The following TRAPPC9 variants were observed in gnomAD, a reference collection of about 807,000 sequenced individuals.
The protein encoded by TRAPPC9 is trafficking protein particle complex subunit 9.
Under a neutral mutation model 124.0 loss-of-function variants are expected in TRAPPC9, and 83 were observed. That is an observed-to-expected ratio of 0.67 (90% CI 0.56 to 0.80). The LOEUF is 0.80. Ranked by LOEUF, TRAPPC9 falls within the 30% of genes least tolerant of loss-of-function variation. The pLI is 0.00. For synonymous variants in TRAPPC9, 638 were observed against 617.5 expected (o/e 1.03, Z -0.49); for missense variants, 1,302 against 1,508.3 (o/e 0.86, Z 2.27).
chr8:139,784,205 C>T (rs1440574461), intron 21 of TRAPPC9, among the ~76,000 whole-genome samples: 7 of 152,190 alleles, frequency 4.6e-5, no homozygotes, highest in Non-Finnish European at 7.3e-5. Context: ...ACATGATTGA[C>T]TTTGTAGGAA....
chr8:139,821,961 T>A (rs1825285077), intron 21 of TRAPPC9, among the ~76,000 whole-genome samples: 1 of 152,222 alleles, frequency 6.6e-6, no homozygotes, highest in Admixed American at 6.5e-5. Context: ...ACTCTGAGAA[T>A]TCGTTAAGTG....
intron 17 of TRAPPC9, among the ~76,000 whole-genome samples, chr8:140,036,182 C>T (rs868378167): frequency 3.3e-5 from 5 of 150,866 alleles, no homozygotes; most frequent in African/African-American, 4.9e-5. Context: ...GGGAAGCCTT[C>T]GAAGACTTTT....
intron 17 of TRAPPC9, among the ~76,000 whole-genome samples, chr8:140,196,534 A>T (rs1174842501): frequency 8.1e-5 from 7 of 86,090 alleles, no homozygotes; most frequent in Admixed American, 2.5e-4. Flanking sequence ...TGACACTAAA[A>T]CACACTCAAC....
At chr8:140,293,195 C>G (rs1486522187) in intron 11 of TRAPPC9, among the ~76,000 whole-genome samples, 1 of 148,754 alleles carries the variant, frequency 6.7e-6, no homozygotes, top group Non-Finnish European at 1.5e-5. Context: ...GAATGGCGAT[C>G]ATTAAAAAGT....
At chr8:140,134,600 T>C (rs2061268844) in intron 17 of TRAPPC9, among the ~76,000 whole-genome samples, 1 of 152,142 alleles carries the variant, frequency 6.6e-6, no homozygotes, top group Non-Finnish European at 1.5e-5. Context: ...GAGGAAATAA[T>C]AGTCTCTTCA....
At chr8:140,335,855 C>T (rs187311157) in intron 9 of TRAPPC9, among the ~76,000 whole-genome samples, 38 of 151,878 alleles carry the variant, frequency 2.5e-4, no homozygotes, top group African/African-American at 8.2e-4. Flanking sequence ...TACAGGCTCC[C>T]GCCACCATGT....
intron 10 of TRAPPC9, among the ~76,000 whole-genome samples, chr8:140,305,500 C>G: frequency 6.6e-6 from 1 of 152,166 alleles, no homozygotes; most frequent in Non-Finnish European, 1.5e-5. Context: ...TGGGGTTCCG[C>G]TCTGTTGGCC....
intron 9 of TRAPPC9, among the ~76,000 whole-genome samples, chr8:140,315,860 T>C (rs2066429913): frequency 6.6e-6 from 1 of 152,224 alleles, no homozygotes; most frequent in Admixed American, 6.5e-5. Flanking sequence ...AAATATGTTA[T>C]TGGTATGTGT....
intron 17 of TRAPPC9, among the ~76,000 whole-genome samples, chr8:140,189,706 C>A (rs187523523): frequency 3.4e-5 from 5 of 148,300 alleles, no homozygotes; most frequent in East Asian, 2.0e-4. Context: ...TTTTTTTTTA[C>A]AAGGATCATT....
In TRAPPC9 at chr8:139,861,882, C is replaced by T. The variant is rs567218652; in HGVS notation, c.3055+23997G>A. ...GTCTTCACCGAGAGCCTGGGGCCTC[C>T]CAGGTAGACCAAGGGTGAAATGGTC... On this transcript the variant is annotated intron_variant, in intron 21 of 22. Transcript: ENST00000438773. 2.3e-4 allele frequency among the ~76,000 whole-genome samples: 34 copies of T among 149,742 alleles called. 1 individual carries two copies. Among genetic ancestry groups the T allele is most frequent in the Admixed American group, 1.1e-3 (17 of 15,090 alleles).
chr8:140,277,918 G>A (rs1375192619), intron 14 of TRAPPC9, among the ~76,000 whole-genome samples: 2 of 152,172 alleles, frequency 1.3e-5, no homozygotes, highest in Non-Finnish European at 2.9e-5. Flanking sequence ...TAAGGAGATG[G>A]CCCCTCATAT....
At chr8:140,346,277 G>C (rs2067346815) in intron 9 of TRAPPC9, among the ~76,000 whole-genome samples, 1 of 152,168 alleles carries the variant, frequency 6.6e-6, no homozygotes, top group Non-Finnish European at 1.5e-5. Context: ...AGTTTCTCCA[G>C]GTCATCCCCA....
intron 17 of TRAPPC9, among the ~76,000 whole-genome samples, chr8:140,168,545 G>A (rs1378977792): frequency 6.6e-6 from 1 of 152,172 alleles, no homozygotes; most frequent in Admixed American, 6.5e-5. Context: ...TGTTCTCAAG[G>A]CTCATGGATG....
At chr8:140,416,694 T>C (rs2132491939) in intron 5 of TRAPPC9, among the ~76,000 whole-genome samples, 1 of 152,310 alleles carries the variant, frequency 6.6e-6, no homozygotes, top group East Asian at 1.9e-4. Context: ...CCATTAACTT[T>C]CTTCACAAAA....
At chr8:139,970,877 G>A (rs973123472) in intron 19 of TRAPPC9, among the ~76,000 whole-genome samples, 6 of 152,006 alleles carry the variant, frequency 3.9e-5, no homozygotes, top group South Asian at 4.1e-4. Context: ...TGGGGGCCAC[G>A]TGGCTAGACA....
intron 4 of TRAPPC9, among the ~76,000 whole-genome samples, chr8:140,427,868 T>G (rs1346596489): frequency 6.6e-6 from 1 of 152,114 alleles, no homozygotes; most frequent in Non-Finnish European, 1.5e-5. Flanking sequence ...AAAAAACAGG[T>G]GTTTTCCATT....
Position 139,775,839 on chromosome 8 carries a change from C to T in TRAPPC9, c.3056-43637G>A, listed in dbSNP as rs59188257. 3.9e-3 allele frequency among the ~76,000 whole-genome samples: 597 copies of T among 152,370 alleles called. 9 individuals are homozygous for T. Among genetic ancestry groups the T allele is most frequent in the African/African-American group, 0.014 (588 of 41,594 alleles). On this transcript the variant is annotated intron_variant, in intron 21 of 22. Coordinates refer to ENST00000438773, the MANE Select transcript of TRAPPC9 (RefSeq NM_001160372.4). Reference sequence around the variant, plus strand: ...GGCTCTCTGTGGCCATCTGTCCTTCCTGCCCAGTACCTGGGCCTCAAAGTG... The same window carrying T: ...GGCTCTCTGTGGCCATCTGTCCTTCTTGCCCAGTACCTGGGCCTCAAAGTG...
chr8:140,322,413 A>G (rs1021548763), intron 9 of TRAPPC9, among the ~76,000 whole-genome samples: 2 of 152,186 alleles, frequency 1.3e-5, no homozygotes, highest in African/African-American at 2.4e-5. Context: ...GTAAATATTT[A>G]CTTTATGCTT....
intron 21 of TRAPPC9, among the ~76,000 whole-genome samples, chr8:139,823,428 AG>A (rs139615228): frequency 7.7e-4 from 117 of 152,300 alleles, no homozygotes; most frequent in African/African-American, 2.7e-3. Context: ...CAAGGTGCCC[AG>A]GGTGTGGGTG....
Sources: allele counts gnomAD v4.1 joint callset (sites outside exome capture counted in the v4.1 genomes callset), GRCh38; gene constraint gnomAD v4.1.1; transcripts MANE v1.5; gene names NCBI Gene and HGNC (gene_info 2026-07-23, HGNC 2026-07-21).